SLC49A3: variants seen among roughly 807,000 people sequenced by gnomAD.
SLC49A3 encodes solute carrier family 49 member A3.
In SLC49A3, 50 loss-of-function variants were observed where a neutral mutation model predicts 43.8. The observed-to-expected ratio is 1.14, with a 90% CI of 0.91 to 1.45. The LOEUF is 1.45. Ranked by LOEUF, SLC49A3 falls within the 40% of genes most tolerant of loss-of-function variation. The pLI, the probability that SLC49A3 is intolerant of heterozygous loss-of-function variation, is 0.00. For missense variants in SLC49A3, 906 were observed against 774.1 expected, an observed-to-expected ratio of 1.17 and a Z score of -2.02; for synonymous variants, 413 against 352.0, an observed-to-expected ratio of 1.17 and a Z score of -1.94.
At chr4:680,882 T>G (rs111954963), downstream of SLC49A3, 6 of 655,866 alleles carry the variant, frequency 9.1e-6, no homozygotes, top group African/African-American at 5.5e-5. Flanking sequence ...TGTAACCTCC[T>G]TCCGGCTCTG....
At chr4:687,651 C>T (rs1012598616) in intron 1 of SLC49A3, among the ~76,000 whole-genome samples, 1 of 152,234 alleles carries the variant, frequency 6.6e-6, no homozygotes, top group South Asian at 2.1e-4. Context: ...GCGTCTGAAG[C>T]GTGCGGGGCA....
At chr4:679,189 G>T, downstream of SLC49A3, 1 of 784,634 alleles carries the variant, frequency 1.3e-6, no homozygotes, top group Non-Finnish European at 2.2e-6. Flanking sequence ...GGCCCTGGCC[G>T]CCCTTGGTTC....
chr4:683,607 A>C lies in SLC49A3; in HGVS notation c.993+2T>G. On this transcript the variant is annotated splice_donor_variant, in intron 7 of 9. Coordinates refer to ENST00000322224, the MANE Select transcript of SLC49A3 (RefSeq NM_032219.4). LOFTEE classifies it high-confidence loss of function. The stretch of plus-strand genomic sequence containing the variant: ...GCAGTCTTGGCTTGAGGAGACCCTC[A>C]CCAGGGCAAAGGGCACGCAGGCCAG... The C allele has an allele frequency of 6.2e-7, 1 of 1,608,464 alleles. No homozygotes were observed.
At chr4:681,267 C>T (rs1415774203), downstream of SLC49A3, 2 of 1,132,510 alleles carry the variant, frequency 1.8e-6, no homozygotes, top group African/African-American at 1.6e-5. Flanking sequence ...GAACAGGCCC[C>T]CGGGGGGCTC....
upstream of SLC49A3, chr4:689,378 C>A (rs531697308): frequency 3.4e-6 from 1 of 298,460 alleles, no homozygotes; most frequent in African/African-American, 2.2e-5. Context: ...GCTGGAAGTC[C>A]CTGCCACAAA....
chr4:686,356 C>T (rs1741030853), intron 2 of SLC49A3, 54 bp from the exon 3 acceptor site: 1 of 1,583,544 alleles, frequency 6.3e-7, no homozygotes, highest in Non-Finnish European at 8.6e-7. Context: ...AGCCCAAGTG[C>T]CTGCCCCGTC....
Position 682,386 on chromosome 4 carries a change from CAT to C in SLC49A3, c.1262-12_1262-11del, listed in dbSNP as rs761977429. The C allele has an allele frequency of 2.1e-5, 28 of 1,330,738 alleles. No individual in the cohort carries two copies. The highest frequency in any genetic ancestry group is 1.8e-4 in the Admixed American group (6 of 33,036). The allele number at this position is 1,330,738 out of a possible 1,614,324, so 82.4% of individuals were successfully genotyped here. On this transcript the variant is annotated splice_polypyrimidine_tract_variant and intron_variant, in intron 9 of 9. Coordinates refer to ENST00000322224, the MANE Select transcript of SLC49A3 (RefSeq NM_032219.4). ...ATCAGCAGCAGAGACACTGGGGACA[CAT>C]AGCACAGCTGTCCCCACAGCCAAGC...
intron 8 of SLC49A3, 35 bp downstream of exon 8, chr4:683,175 C>G (rs1560165627): frequency 1.9e-6 from 3 of 1,612,340 alleles, no homozygotes; most frequent in Non-Finnish European, 8.5e-7. Context: ...AGGGGAGTAT[C>G]TCTGGGGTTG....
At chr4:684,940 T>A (rs909604023) in intron 4 of SLC49A3, 84 bp from the exon 5 acceptor site, 1 of 1,492,062 alleles carries the variant, frequency 6.7e-7, no homozygotes, top group African/African-American at 1.4e-5. Context: ...AGGCGCCACC[T>A]CCCAGCTCCT....
At position 683,765 on chromosome 4, in the gene SLC49A3, G is replaced by A. The variant is rs1740372475; in HGVS notation, c.841-4C>T. 2 of 1,555,524 alleles carry A rather than the reference G, an allele frequency of 1.3e-6. No homozygotes were observed. The highest frequency in any genetic ancestry group is 1.7e-6 in the Non-Finnish European group (2 of 1,149,628). On this transcript the variant is annotated splice_polypyrimidine_tract_variant and splice_region_variant and intron_variant, in intron 6 of 9. Transcript: ENST00000322224. ...CGCCACAGAGGCCGGAAAACCCCTG[G>A]AGGAGGCGAGAAGAGGCCAGGGCCC...
At position 682,987 on chromosome 4, in the gene SLC49A3, C is replaced by T. The variant is rs1740118728; in HGVS notation, c.1152-97G>A. 4.2e-6 allele frequency: 5 copies of T among 1,194,278 alleles called. No homozygotes were observed. The Admixed American group carries it at 6.9e-5, about 16-fold the overall frequency. 74.0% of individuals were successfully genotyped at this position (1,194,278 alleles called of 1,614,324 possible). A position where few individuals can be genotyped will look rare whatever the true frequency, so the allele number is the denominator to read the frequency against. On this transcript the variant is annotated intron_variant, in intron 8 of 9. Coordinates refer to ENST00000322224, the MANE Select transcript of SLC49A3 (RefSeq NM_032219.4). Reference sequence around the variant, plus strand: ...GTTGACATCGGTGCTGTCCCTTGTGCCACCACCCTCCTGAAGGCAGCACGC... The same window carrying T: ...GTTGACATCGGTGCTGTCCCTTGTGTCACCACCCTCCTGAAGGCAGCACGC...
At chr4:680,936 T>G, downstream of SLC49A3, 2 of 810,224 alleles carry the variant, frequency 2.5e-6, no homozygotes, top group Non-Finnish European at 4.0e-6. Flanking sequence ...CCTGAGTGTG[T>G]GTTGGGAAGG....
At chr4:682,733 T>C (rs1395973220) in intron 9 of SLC49A3, 48 bp downstream of exon 9, 4 of 1,414,916 alleles carry the variant, frequency 2.8e-6, no homozygotes, top group Admixed American at 2.2e-5. Context: ...AATCTTCACA[T>C]GGGGCTCACC....
chr4:678,258 T>C (rs1187642575), downstream of SLC49A3: 11 of 1,469,934 alleles, frequency 7.5e-6, no homozygotes, highest in Non-Finnish European at 1.8e-6. Flanking sequence ...CTCACGTTGC[T>C]CTCCTGGTGA....
intron 1 of SLC49A3, chr4:687,994 T>G (rs1741386729): frequency 6.6e-6 from 1 of 152,198 alleles, no homozygotes; most frequent in Admixed American, 6.6e-5. Flanking sequence ...GACTCGTGGA[T>G]ATTAATAAAA....
At chr4:686,336 C>G (rs778149083) in intron 2 of SLC49A3, 34 bp from the exon 3 acceptor site, 3 of 1,605,834 alleles carry the variant, frequency 1.9e-6, no homozygotes, top group Non-Finnish European at 2.6e-6. Flanking sequence ...GGGTCAGGAA[C>G]GCTGCCACCA....
chr4:689,048 G>C lies in SLC49A3; in HGVS notation c.80C>G (p.Ala27Gly). The C allele has an allele frequency of 1.9e-6, 3 of 1,586,496 alleles. No homozygotes were observed. The highest frequency in any genetic ancestry group is 1.1e-5 in the South Asian group (1 of 89,722). ...LCAQRGHRTY[A>G]RRWVFLLAIS... ...CGCGAGCAGGAACACCCAGCGGCGC[G>C]CGTAGGTGCGGTGGCCCCGCTGCGC... Residue 27 changes from alanine to glycine, a missense_variant, in exon 1 of 10, where the codon GCG (alanine) becomes GGG (glycine). Transcript: ENST00000322224.
downstream of SLC49A3, chr4:681,780 C>T: frequency 8.2e-7 from 1 of 1,224,682 alleles, no homozygotes; most frequent in Non-Finnish European, 1.0e-6. Context: ...CGCACCCGGG[C>T]CCCTCCCCGC....
At chr4:679,991 C>T (rs1336317115), downstream of SLC49A3, 3 of 1,613,346 alleles carry the variant, frequency 1.9e-6, no homozygotes, top group Non-Finnish European at 2.5e-6. Context: ...CACCATGTTT[C>T]TGAACCTGTT....
Sources: gnomAD v4.1 joint callset for allele counts (sites outside exome capture counted in the v4.1 genomes callset) on GRCh38, gnomAD v4.1.1 for gene constraint, MANE v1.5 for transcripts, NCBI Gene and HGNC (gene_info 2026-07-23, HGNC 2026-07-21) for gene names.